CEP104: variants seen among roughly 807,000 people sequenced by gnomAD.
CEP104 encodes centrosomal protein of 104 kDa.
Under a neutral mutation model 113.3 loss-of-function variants are expected in CEP104, and 84 were observed. That is an observed-to-expected ratio of 0.74 (90% CI 0.62 to 0.89). The LOEUF is 0.89. Among genes scored for constraint, CEP104 ranks in the 40% least tolerant of loss-of-function variants. The probability of loss-of-function intolerance (pLI) is 0.00; values close to 1 mark genes in which losing one functional copy is unlikely to be tolerated. For synonymous variants in CEP104, 378 were observed against 421.7 expected (o/e 0.90, Z 1.27); for missense variants, 1,053 against 1,156.6 (o/e 0.91, Z 1.30).
chr1:3,836,470 T>TG (rs1557677803), intron 10 of CEP104, 25 bp downstream of exon 10: 6 of 846,316 alleles, frequency 7.1e-6, no homozygotes, highest in South Asian at 4.7e-5. Flanking sequence ...GCCACCCCGT[T>TG]TTTTTTTTTT....
intron 17 of CEP104, 53 bp from the exon 18 acceptor site, chr1:3,825,919 G>A: frequency 8.4e-7 from 1 of 1,197,458 alleles, no homozygotes; most frequent in Non-Finnish European, 1.2e-6. Context: ...TCCACTGATG[G>A]CCGTTCCGCT....
chr1:3,839,366 T>C (rs756443265), intron 7 of CEP104, among the ~76,000 whole-genome samples: 2 of 152,118 alleles, frequency 1.3e-5, no homozygotes, highest in African/African-American at 2.4e-5. Flanking sequence ...GGGCTCAGGG[T>C]CCTAGTAACG....
intron 15 of CEP104, among the ~76,000 whole-genome samples, chr1:3,828,126 C>T (rs2124652593): frequency 6.6e-6 from 1 of 152,238 alleles, no homozygotes; most frequent in African/African-American, 2.4e-5. Context: ...CCACTGCCAC[C>T]AGGTCCTGGG....
chr1:3,854,647 T>C (rs2124704626), intron 1 of CEP104, among the ~76,000 whole-genome samples: 1 of 151,036 alleles, frequency 6.6e-6, no homozygotes, highest in East Asian at 2.0e-4. Flanking sequence ...TTTTTTTTTT[T>C]TTTTTTTTTG....
intron 1 of CEP104, among the ~76,000 whole-genome samples, chr1:3,856,375 G>C (rs4648349): frequency 0.37 from 55,947 of 152,128 alleles, 12,488 homozygotes; most frequent in African/African-American, 0.64. Flanking sequence ...GAGCGAGACC[G>C]TCTCAAAGGC....
chr1:3,853,923 C>T (rs558108349), intron 1 of CEP104, among the ~76,000 whole-genome samples: 35 of 152,090 alleles, frequency 2.3e-4, no homozygotes, highest in South Asian at 1.0e-3. Flanking sequence ...AGTGAGACCC[C>T]GTTTCTAAAA....
chr1:3,826,031 G>C (rs1460778461), intron 17 of CEP104, among the ~76,000 whole-genome samples, 165 bp from the exon 18 acceptor site: 1 of 152,164 alleles, frequency 6.6e-6, no homozygotes, highest in African/African-American at 2.4e-5. Context: ...GCCCGGGCTG[G>C]GCCTCCCTTG....
intron 21 of CEP104, chr1:3,816,058 CGCACT>C: frequency 4.0e-6 from 2 of 502,994 alleles, no homozygotes; most frequent in East Asian, 6.7e-5. Flanking sequence ...GTGGAGCCTT[CGCACT>C]GCACAGCCAG....
intron 6 of CEP104, among the ~76,000 whole-genome samples, chr1:3,843,745 G>A (rs12145992): frequency 0.28 from 42,676 of 151,178 alleles, 7,422 homozygotes; most frequent in African/African-American, 0.49. Flanking sequence ...GGTAGAGAGA[G>A]ATTGGTAAAA....
chr1:3,829,743 ACTT>A, intron 14 of CEP104, 45 bp downstream of exon 14: 1 of 1,560,188 alleles, frequency 6.4e-7, no homozygotes, highest in South Asian at 1.1e-5. Flanking sequence ...TAACTGAGTA[ACTT>A]CTTCAACACA....
chr1:3,840,020 G>C (rs1644385713), intron 6 of CEP104, among the ~76,000 whole-genome samples: 1 of 152,184 alleles, frequency 6.6e-6, no homozygotes, highest in South Asian at 2.1e-4. Flanking sequence ...GCACTTCAGG[G>C]CATCTGAGCC....
At chr1:3,836,471 T>TTC in intron 10 of CEP104, 24 bp downstream of exon 10, 6 of 1,145,838 alleles carry the variant, frequency 5.2e-6, no homozygotes, top group African/African-American at 1.6e-5. Context: ...CCACCCCGTT[T>TTC]TTTTTTTTTT....
At chr1:3,834,145 TC>T in intron 11 of CEP104, 110 bp from the exon 12 acceptor site, 1 of 933,316 alleles carries the variant, frequency 1.1e-6, no homozygotes, top group Non-Finnish European at 1.6e-6. Flanking sequence ...GAAAATGACA[TC>T]TCGTCTGAAA....
At chr1:3,853,307 G>C (rs11578070) in intron 1 of CEP104, among the ~76,000 whole-genome samples, 31,000 of 151,960 alleles carry the variant, frequency 0.2, 3,518 homozygotes, top group Non-Finnish European at 0.25. Context: ...AGGACATTGA[G>C]CCCAATTTGC....
chr1:3,837,295 G>C lies in CEP104; in HGVS notation c.1116C>G (p.Ile372Met). ...LLPATDPHPKINAESLPYDER... is the reference protein window; with the variant it reads ...LLPATDPHPKMNAESLPYDER... ...AATCTGAAACAGAATTACCTACATTGATCTTTGGATGAGGATCTGTGGCAG... is the reference window on the plus strand; with the variant it reads ...AATCTGAAACAGAATTACCTACATTCATCTTTGGATGAGGATCTGTGGCAG... The change falls in exon 9 of 22, where the codon ATC becomes ATG. Residue 372 changes from isoleucine (I) to methionine (M), a missense_variant. Physicochemically the swap from Ile to Met is conservative, Grantham distance 10 (BLOSUM62 1). Transcript: ENST00000378230. 6.2e-7 allele frequency: 1 copy of C among 1,607,498 alleles called. No individual in the cohort carries two copies. Among genetic ancestry groups the C allele is most frequent in the South Asian group, 1.1e-5 (1 of 90,780 alleles).
Position 3,815,454 on chromosome 1 carries a change from G to T in CEP104, c.2726C>A (p.Thr909Asn). 2 of 1,613,388 alleles carry T rather than the reference G, an allele frequency of 1.2e-6. No homozygotes were observed. The highest frequency in any genetic ancestry group is 1.7e-6 in the Non-Finnish European group (2 of 1,179,858). The change falls in exon 22 of 22, where the codon ACC becomes AAC. Residue 909 changes from threonine (T) to asparagine (N), a missense_variant. By Grantham distance (65) the Thr-to-Asn change is moderately conservative. Transcript: ENST00000378230. ...GCTCTTGCTCAGTCCGCCCTTCGGG[G>T]TGGGGATCTTGCTTCCGGCCTTTGA... ...LGSKAGSKIP[T>N]PKGGLSKSSS...
intron 14 of CEP104, 100 bp from the exon 15 acceptor site, chr1:3,829,473 T>TGGC: frequency 1.3e-6 from 1 of 784,366 alleles, no homozygotes; most frequent in Non-Finnish European, 2.0e-6. Flanking sequence ...TTATAAATTA[T>TGGC]AATATTCACT....
intron 6 of CEP104, chr1:3,843,272 A>G (rs1339036587): frequency 1.4e-6 from 1 of 704,826 alleles, no homozygotes; most frequent in Non-Finnish European, 2.6e-6. Flanking sequence ...AGGATGGCAC[A>G]GCGGGGCCCT....
chr1:3,828,538 T>C (rs1404106691), intron 15 of CEP104, among the ~76,000 whole-genome samples: 1 of 152,204 alleles, frequency 6.6e-6, no homozygotes, highest in Non-Finnish European at 1.5e-5. Context: ...ACACTTGACA[T>C]GAGCTCTGCC....
Sources: allele counts gnomAD v4.1 joint callset (sites outside exome capture counted in the v4.1 genomes callset), GRCh38; gene constraint gnomAD v4.1.1; transcripts MANE v1.5; gene names NCBI Gene and HGNC (gene_info 2026-07-23, HGNC 2026-07-21).